Variants in ADARB2 observed in about 807,000 individuals in gnomAD.
The protein encoded by ADARB2 is inactive double-stranded RNA-specific editase B2.
In ADARB2, 25 loss-of-function variants were observed where a neutral mutation model predicts 62.2. The observed-to-expected ratio is 0.40, with a 90% CI of 0.29 to 0.56. ADARB2 has a LOEUF of 0.56. Among genes scored for constraint, ADARB2 ranks in the 20% least tolerant of loss-of-function variants. The probability of loss-of-function intolerance (pLI) is 0.43; values close to 1 mark genes in which losing one functional copy is unlikely to be tolerated. For missense variants in ADARB2, 1,071 were observed against 1,077.4 expected (o/e 0.99, Z 0.08); for synonymous variants, 572 against 500.8 (o/e 1.14, Z -1.90).
At chr10:1,653,598 C>T (rs1449195468) in intron 1 of ADARB2, among the ~76,000 whole-genome samples, 2 of 124,312 alleles carry the variant, frequency 1.6e-5, no homozygotes, top group Admixed American at 1.7e-4. Context: ...GAGCCACAGT[C>T]TCCACCCAAC....
At chr10:1,354,843 G>A (rs1227993754) in intron 3 of ADARB2, among the ~76,000 whole-genome samples, 1 of 152,214 alleles carries the variant, frequency 6.6e-6, no homozygotes, top group Non-Finnish European at 1.5e-5. Context: ...CCATCCTAAT[G>A]GAGCCATTGT....
Position 1,426,361 on chromosome 10 carries a change from C to T in ADARB2, c.101-47201G>A, listed in dbSNP as rs902458877. 2.0e-5 allele frequency among the ~76,000 whole-genome samples: 3 copies of T among 152,162 alleles called. No homozygotes were observed. The highest frequency in any genetic ancestry group is 2.0e-4 in the Admixed American group (3 of 15,280). On this transcript the variant is annotated intron_variant, in intron 1 of 9. Transcript: ENST00000381312. The surrounding 1 kb of genome is among the most constrained non-coding windows in gnomAD (Gnocchi z 4.1). Reference sequence around the variant, plus strand: ...GAACTGCCTTATTCCTGGGCACTGGCCTTTTTAAATCCTTTCTTTTTCTCT... The same window carrying T: ...GAACTGCCTTATTCCTGGGCACTGGTCTTTTTAAATCCTTTCTTTTTCTCT...
chr10:1,551,167 C>T lies in ADARB2; in HGVS notation c.101-172007G>A, dbSNP rs1269088787. On this transcript the variant is annotated intron_variant, in intron 1 of 9. Coordinates refer to ENST00000381312, the MANE Select transcript of ADARB2 (RefSeq NM_018702.4). ...ACACAGACACACACAGAAGGAGGAC[C>T]CTGTGAGGACACAGAGAGAAGACGC... Among the ~76,000 whole-genome samples, 4 of 152,098 alleles carry T rather than the reference C, an allele frequency of 2.6e-5. No homozygotes were observed. The South Asian group carries it at 8.3e-4, about 32-fold the overall frequency.
intron 1 of ADARB2, among the ~76,000 whole-genome samples, chr10:1,385,092 G>A (rs1246254515): frequency 6.6e-6 from 1 of 152,156 alleles, no homozygotes; most frequent in Non-Finnish European, 1.5e-5. Flanking sequence ...AAATCATCTA[G>A]TTGATCATTT....
chr10:1,308,350 A>G (rs1231729980), intron 3 of ADARB2, among the ~76,000 whole-genome samples: 5 of 152,036 alleles, frequency 3.3e-5, no homozygotes, highest in Admixed American at 2.6e-4. Flanking sequence ...TGTAATGCTG[A>G]CTCATATTCC....
rs773516136 is a variant in ADARB2 at position 1,545,776 on chromosome 10, C to T, written c.101-166616G>A. ...AGCAGAGGCAGAAGCGCAGTGAGGG[C>T]GCACGGGGCATGTAGTCAGTGCCCT... On this transcript the variant is annotated intron_variant, in intron 1 of 9. Transcript: ENST00000381312. Among the ~76,000 whole-genome samples, 9 of 152,154 alleles carry T rather than the reference C, an allele frequency of 5.9e-5. No homozygotes were observed. The East Asian group carries it at 1.3e-3, about 23-fold the overall frequency.
chr10:1,328,123 C>T (rs182447736), intron 3 of ADARB2, among the ~76,000 whole-genome samples: 3 of 152,246 alleles, frequency 2.0e-5, no homozygotes, highest in East Asian at 1.9e-4. Flanking sequence ...GCTCAGCAGG[C>T]GTGGAGAGGC....
intron 3 of ADARB2, among the ~76,000 whole-genome samples, chr10:1,289,144 C>T (rs1260390837): frequency 6.6e-6 from 1 of 152,214 alleles, no homozygotes; most frequent in African/African-American, 2.4e-5. Context: ...CTCCACACCC[C>T]TTATCCTAAC....
chr10:1,205,973 AGGTGGGTGTCACGGGGCAGCCCGC>A (rs1451460584), intron 7 of ADARB2, among the ~76,000 whole-genome samples: 4 of 137,276 alleles, frequency 2.9e-5, no homozygotes, highest in African/African-American at 1.1e-4. Context: ...CGTTGGGGTC[AGGTGGGTGTCACGGGGCAGCCCGC>A]TGGGGTCAGG....
intron 3 of ADARB2, among the ~76,000 whole-genome samples, chr10:1,303,050 G>A (rs1831590373): frequency 6.6e-6 from 1 of 152,318 alleles, no homozygotes; most frequent in South Asian, 2.1e-4. Context: ...CTAGCTGAGA[G>A]AAGAAGGCTT....
At chr10:1,677,365 C>T (rs1834478928) in intron 1 of ADARB2, among the ~76,000 whole-genome samples, 1 of 152,186 alleles carries the variant, frequency 6.6e-6, no homozygotes, top group Non-Finnish European at 1.5e-5. Context: ...TAAAGGGAGC[C>T]TCCCCTAAAT....
At chr10:1,672,728 C>T (rs942266631) in intron 1 of ADARB2, among the ~76,000 whole-genome samples, 6 of 85,636 alleles carry the variant, frequency 7.0e-5, no homozygotes, top group South Asian at 7.3e-4. Context: ...CCTCCACGCA[C>T]CGCAAGGCTC....
At chr10:1,657,666 A>G (rs973499429) in intron 1 of ADARB2, among the ~76,000 whole-genome samples, 7 of 152,190 alleles carry the variant, frequency 4.6e-5, no homozygotes, top group Non-Finnish European at 7.3e-5. Flanking sequence ...TCCAAGGTCC[A>G]AGGATGTAAA....
chr10:1,578,680 G>C (rs993194597), intron 1 of ADARB2, among the ~76,000 whole-genome samples: 3 of 145,944 alleles, frequency 2.1e-5, no homozygotes, highest in African/African-American at 5.1e-5. Flanking sequence ...CACACACAGA[G>C]AGAAGTGTGT....
intron 1 of ADARB2, among the ~76,000 whole-genome samples, chr10:1,560,790 C>T (rs939064195): frequency 6.6e-6 from 1 of 152,216 alleles, no homozygotes; most frequent in Non-Finnish European, 1.5e-5. Flanking sequence ...CTGTCTACAC[C>T]GAGCCCCAGA....
chr10:1,522,271 C>T (rs557460874), intron 1 of ADARB2, among the ~76,000 whole-genome samples: 10 of 152,236 alleles, frequency 6.6e-5, no homozygotes, highest in African/African-American at 2.4e-4. Flanking sequence ...TTCATATAAC[C>T]AGATAGACAG....
Position 1,510,121 on chromosome 10 carries a change from T to TTTCTTTCTTTC in ADARB2, c.101-130972_101-130962dup, listed in dbSNP as rs1554767646. Among the ~76,000 whole-genome samples, 468 of 115,748 alleles carry TTTCTTTCTTTC rather than the reference T, an allele frequency of 4.0e-3. 5 individuals are homozygous for TTTCTTTCTTTC. Among genetic ancestry groups the TTTCTTTCTTTC allele is most frequent in the African/African-American group, 0.016 (438 of 27,876 alleles). 75.9% of individuals were successfully genotyped at this position (115,748 alleles called of 152,430 possible). On this transcript the variant is annotated intron_variant, in intron 1 of 9. Transcript: ENST00000381312. The stretch of plus-strand genomic sequence containing the variant: ...TTTTCTTTCTTTCTCTCTTTCTTTC[T>TTTCTTTCTTTC]TTCTTTCTTTCTTTCTTTCTTTCTT...
At chr10:1,320,761 G>C (rs568762858) in intron 3 of ADARB2, among the ~76,000 whole-genome samples, 51 of 152,284 alleles carry the variant, frequency 3.3e-4, no homozygotes, top group African/African-American at 1.2e-3. Flanking sequence ...ATAAGAGACA[G>C]ATGATAAAAT....
intron 3 of ADARB2, among the ~76,000 whole-genome samples, chr10:1,331,402 A>C (rs1177527869): frequency 1.3e-5 from 2 of 152,280 alleles, no homozygotes; most frequent in Admixed American, 1.3e-4. Flanking sequence ...CTGGACATCC[A>C]TACAGTGGAA....
Sources: gnomAD v4.1 joint callset for allele counts (sites outside exome capture counted in the v4.1 genomes callset) on GRCh38, gnomAD v4.1.1 for gene constraint, Gnocchi (gnomAD v3.1) non-coding constraint, MANE v1.5 for transcripts, NCBI Gene and HGNC (gene_info 2026-07-23, HGNC 2026-07-21) for gene names.